Variants in ZZEF1 observed in about 807,000 individuals in gnomAD.
ZZEF1 encodes the protein zinc finger ZZ-type and EF-hand domain containing 1.
A neutral mutation model predicts 342.8 loss-of-function variants in ZZEF1; 157 were observed. That is an observed-to-expected ratio of 0.46 (90% CI 0.40 to 0.52). The LOEUF is 0.52. Among genes scored for constraint, ZZEF1 ranks in the 20% least tolerant of loss-of-function variants. The pLI, the probability that ZZEF1 is intolerant of heterozygous loss-of-function variation, is 0.00. For missense variants in ZZEF1, 3,480 were observed against 3,725.6 expected (o/e 0.93, Z 1.72); for synonymous variants, 1,505 against 1,429.1 (o/e 1.05, Z -1.20).
Position 4,090,764 on chromosome 17 carries a change from T to C in ZZEF1, c.1980A>G (p.Glu660=), listed in dbSNP as rs1278280294. The change falls in exon 12 of 55, where the codon GAA becomes GAG. Residue 660 remains glutamate (E), a synonymous_variant. Transcript: ENST00000381638. ...DPIGWFELEE[E]WDEADVKLQQ... ...GCAGCTTCACATCTGCTTCATCCCATTCTTCTTCCAGTTCAAACCAGCCAA... is the reference window on the plus strand; with the variant it reads ...GCAGCTTCACATCTGCTTCATCCCACTCTTCTTCCAGTTCAAACCAGCCAA... The C allele has an allele frequency of 1.2e-6, 2 of 1,614,088 alleles. No individual in the cohort carries two copies. The highest frequency in any genetic ancestry group is 2.7e-5 in the African/African-American group (2 of 74,956).
intron 39 of ZZEF1, among the ~76,000 whole-genome samples, chr17:4,035,771 G>C (rs1301201472): frequency 6.6e-6 from 1 of 152,196 alleles, no homozygotes; most frequent in Non-Finnish European, 1.5e-5. Flanking sequence ...TCGTCTCACT[G>C]CAAGGGGGCA....
intron 36 of ZZEF1, 54 bp from the exon 37 acceptor site, chr17:4,049,913 T>C: frequency 1.3e-6 from 2 of 1,586,858 alleles, no homozygotes; most frequent in Non-Finnish European, 1.7e-6. Context: ...GAGAGTTCTT[T>C]TCAGCAAGTG....
Position 4,014,872 on chromosome 17 carries a change from G to C in ZZEF1, c.8146-357C>G, listed in dbSNP as rs1332918570. On this transcript the variant is annotated intron_variant, in intron 49 of 54. Coordinates refer to ENST00000381638, the MANE Select transcript of ZZEF1 (RefSeq NM_015113.4). This position sits in a 1 kb window ranked among gnomAD's most constrained non-coding sequence, Gnocchi z 4.4. ...AGGGTAACAGCCCTGTGAAGGTCTA[G>C]CATGTTCAGGGAATGGCAAGGAGCT... Among the ~76,000 whole-genome samples, 1 of 152,200 alleles carries C rather than the reference G, an allele frequency of 6.6e-6. No homozygotes were observed. Among genetic ancestry groups the C allele is most frequent in the African/African-American group, 2.4e-5 (1 of 41,436 alleles).
At chr17:4,055,479 T>A (rs986230055) in intron 33 of ZZEF1, among the ~76,000 whole-genome samples, 4 of 152,180 alleles carry the variant, frequency 2.6e-5, no homozygotes, top group Admixed American at 2.0e-4. Context: ...CCTTTGCACA[T>A]CTGAATCATG....
rs60101709 is a variant in ZZEF1 at position 4,123,268 on chromosome 17, C to CATATAT, written c.499+633_499+638dup. On this transcript the variant is annotated intron_variant, in intron 2 of 54. Transcript: ENST00000381638. ...TTTATACATTAGAATTTATCATAAC[C>CATATAT]ATATATATATATATATATATATATA... 9.7e-3 allele frequency among the ~76,000 whole-genome samples: 829 copies of CATATAT among 85,162 alleles called. 13 individuals are homozygous for CATATAT. The highest frequency in any genetic ancestry group is 0.013 in the Non-Finnish European group (539 of 42,234). The allele number at this position is 85,162 out of a possible 152,430, so 55.9% of individuals were successfully genotyped here.
rs538344445 is a variant in ZZEF1, at chr17:4,100,814, G to A, written c.1672+1503C>T. 9.2e-5 allele frequency among the ~76,000 whole-genome samples: 14 copies of A among 152,298 alleles called. No individual in the cohort carries two copies. In the South Asian group the frequency reaches 2.1e-3, roughly 23 times the overall value. ...CATACCACTGCACTCCAGCCTGGGCGATAGAGTGAGACTTCGTCTCAAAAA... is the reference window on the plus strand; with the variant it reads ...CATACCACTGCACTCCAGCCTGGGCAATAGAGTGAGACTTCGTCTCAAAAA... On this transcript the variant is annotated intron_variant, in intron 9 of 54. Coordinates refer to ENST00000381638, the MANE Select transcript of ZZEF1 (RefSeq NM_015113.4).
Position 4,072,696 on chromosome 17 carries a change from A to AG in ZZEF1, c.3745dup (p.Leu1249ProfsTer28). ...CTGATGCCTGAAGACAGGTTTCCAC[A>AG]GTGGGGAGCTTAGGACTAATGCCAT... On this transcript the variant is annotated frameshift_variant, in exon 25 of 55. Transcript: ENST00000381638. LOFTEE classifies it high-confidence loss of function. 6.2e-7 allele frequency: 1 copy of AG among 1,614,130 alleles called. No individual in the cohort carries two copies. Among genetic ancestry groups the AG allele is most frequent in the Non-Finnish European group, 8.5e-7 (1 of 1,179,976 alleles).
intron 15 of ZZEF1, among the ~76,000 whole-genome samples, 168 bp downstream of exon 15, chr17:4,086,309 CACAGCGGCA>C (rs2057820669): frequency 7.2e-6 from 1 of 139,338 alleles, no homozygotes; most frequent in Non-Finnish European, 1.5e-5. Context: ...GGGGGATTCC[CACAGCGGCA>C]ATCCCTTTCT....
At chr17:4,133,298 TC>T (rs35447570) in intron 1 of ZZEF1, among the ~76,000 whole-genome samples, 77,386 of 151,734 alleles carry the variant, frequency 0.51, 22,145 homozygotes, top group East Asian at 0.74. Context: ...ACTATTAACC[TC>T]CCCGTCTTAT....
At chr17:4,030,356 C>G (rs1284966487) in intron 42 of ZZEF1, among the ~76,000 whole-genome samples, 1 of 152,120 alleles carries the variant, frequency 6.6e-6, no homozygotes, top group Non-Finnish European at 1.5e-5. Flanking sequence ...AATGATGTAC[C>G]ATGCACTCAA....
intron 1 of ZZEF1, among the ~76,000 whole-genome samples, chr17:4,127,067 G>A (rs1180236672): frequency 4.6e-5 from 7 of 151,332 alleles, no homozygotes; most frequent in Non-Finnish European, 7.4e-5. Context: ...GAGTGCAGTA[G>A]TGCGATCAGC....
intron 39 of ZZEF1, among the ~76,000 whole-genome samples, chr17:4,039,489 CAAACAA>C (rs2056751518): frequency 2.6e-5 from 4 of 151,650 alleles, no homozygotes. Context: ...AACAAACAAA[CAAACAA>C]ATCCGCCCTG....
At chr17:4,018,125 C>T (rs2056164144) in intron 46 of ZZEF1, among the ~76,000 whole-genome samples, 154 bp from the exon 47 acceptor site, 1 of 152,164 alleles carries the variant, frequency 6.6e-6, no homozygotes, top group African/African-American at 2.4e-5. Flanking sequence ...GATTCACAGC[C>T]TTCACTTATG....
chr17:4,073,598 GCTAATTTTTA>G (rs2057552062), intron 24 of ZZEF1, among the ~76,000 whole-genome samples: 1 of 151,996 alleles, frequency 6.6e-6, no homozygotes, highest in Non-Finnish European at 1.5e-5. Flanking sequence ...ACCACACCTG[GCTAATTTTTA>G]CATTTTTTTT....
intron 43 of ZZEF1, 135 bp downstream of exon 43, chr17:4,024,784 A>G: frequency 1.2e-6 from 1 of 841,180 alleles, no homozygotes; most frequent in Non-Finnish European, 2.0e-6. Flanking sequence ...TGTAAGGCCC[A>G]CGCGTTTCTA....
chr17:4,070,642 A>G (rs775463488), intron 26 of ZZEF1, 42 bp downstream of exon 26: 8 of 1,593,384 alleles, frequency 5.0e-6, no homozygotes, highest in Non-Finnish European at 6.0e-6. Flanking sequence ...AAAACTTAGC[A>G]ATTAGCCTTC....
At chr17:4,085,647 T>C in intron 16 of ZZEF1, 23 bp downstream of exon 16, 1 of 1,613,100 alleles carries the variant, frequency 6.2e-7, no homozygotes, top group Non-Finnish European at 8.5e-7. Flanking sequence ...AGACATTGAA[T>C]CCAGACTTTT....
chr17:4,012,752 T>C (rs889538918), intron 52 of ZZEF1, among the ~76,000 whole-genome samples: 4 of 152,160 alleles, frequency 2.6e-5, no homozygotes, highest in Admixed American at 1.3e-4. Context: ...AATCTGCATA[T>C]ATAGTCTTAG....
intron 39 of ZZEF1, among the ~76,000 whole-genome samples, chr17:4,037,623 G>T (rs1184360029): frequency 6.6e-6 from 1 of 151,974 alleles, no homozygotes; most frequent in Non-Finnish European, 1.5e-5. Context: ...TTACCCTATT[G>T]CCCAAACTGG....
Sources: allele counts gnomAD v4.1 joint callset (sites outside exome capture counted in the v4.1 genomes callset), GRCh38; gene constraint gnomAD v4.1.1; non-coding constraint Gnocchi (gnomAD v3.1); transcripts MANE v1.5; gene names NCBI Gene and HGNC (gene_info 2026-07-23, HGNC 2026-07-21).